APBA2: variants seen among roughly 807,000 people sequenced by gnomAD.
The protein encoded by APBA2 is amyloid-beta A4 precursor protein-binding family A member 2.
In APBA2, 30 loss-of-function variants were observed where a neutral mutation model predicts 75.0. The observed-to-expected ratio is 0.40, with a 90% CI of 0.30 to 0.54. The LOEUF is 0.54. Ranked by LOEUF, APBA2 falls within the 20% of genes least tolerant of loss-of-function variation. The probability of loss-of-function intolerance (pLI) is 0.49; values close to 1 mark genes in which losing one functional copy is unlikely to be tolerated. For missense variants in APBA2, 801 were observed against 1,016.1 expected, an observed-to-expected ratio of 0.79 and a Z score of 2.88; for synonymous variants, 444 against 409.6, an observed-to-expected ratio of 1.08 and a Z score of -1.01.
At chr15:28,961,636 G>C (rs1331996473) in intron 2 of APBA2, 1 of 152,346 alleles carries the variant, frequency 6.6e-6, no homozygotes, top group Admixed American at 6.5e-5. Context: ...GGATCCCGGG[G>C]GAGCGGCCGG....
chr15:29,088,260 T>C (rs911761418), intron 6 of APBA2, among the ~76,000 whole-genome samples: 3 of 152,204 alleles, frequency 2.0e-5, no homozygotes, highest in Admixed American at 6.5e-5. Context: ...GGCTTCATCC[T>C]GCCCCCTTGC....
chr15:29,013,297 T>TTTTA (rs2039495038), intron 3 of APBA2, among the ~76,000 whole-genome samples: 1 of 130,430 alleles, frequency 7.7e-6, no homozygotes, highest in Non-Finnish European at 1.5e-5. Context: ...TTTTTTTTTT[T>TTTTA]GAGACAGAGT....
intron 3 of APBA2, among the ~76,000 whole-genome samples, chr15:29,029,666 T>G (rs1595771242): frequency 2.7e-5 from 4 of 147,076 alleles, no homozygotes; most frequent in South Asian, 2.2e-4. Flanking sequence ...ATCGTGGGGG[T>G]GGAGGGAGGG....
At chr15:29,011,211 G>A (rs1210316078) in intron 3 of APBA2, among the ~76,000 whole-genome samples, 2 of 152,140 alleles carry the variant, frequency 1.3e-5, no homozygotes, top group African/African-American at 4.8e-5. Context: ...GGTATGAATA[G>A]ACCACATTTT....
Position 29,015,449 on chromosome 15 carries a change from C to T in APBA2, c.-41+19643C>T, listed in dbSNP as rs549522557. ...ATCCCATCCCAAGGGGGCAGCTCCT[C>T]TCCTGTCTGTGGTTTGCCTGCTGTC... On this transcript the variant is annotated intron_variant, in intron 3 of 14. Coordinates refer to ENST00000683413, the MANE Select transcript of APBA2 (RefSeq NM_001353788.2). 4.6e-5 allele frequency among the ~76,000 whole-genome samples: 7 copies of T among 152,322 alleles called. No homozygotes were observed. In the East Asian group the frequency reaches 1.2e-3, roughly 25 times the overall value.
intron 11 of APBA2, among the ~76,000 whole-genome samples, 173 bp from the exon 12 acceptor site, chr15:29,106,434 T>C (rs988860367): frequency 2.2e-3 from 11 of 4,966 alleles, no homozygotes; most frequent in Non-Finnish European, 1.6e-3. Context: ...AGGCTGGGGG[T>C]GGGTGGGCAG....
At chr15:28,895,948 C>T (rs1281488416) in intron 1 of APBA2, among the ~76,000 whole-genome samples, 4 of 151,970 alleles carry the variant, frequency 2.6e-5, no homozygotes, top group Admixed American at 2.6e-4. Context: ...CCCATCTCTA[C>T]AAAAAAATAG....
intron 6 of APBA2, among the ~76,000 whole-genome samples, chr15:29,083,010 C>T (rs769573081): frequency 3.3e-5 from 5 of 151,522 alleles, no homozygotes; most frequent in Admixed American, 1.3e-4. Flanking sequence ...TGCAGTGAGC[C>T]GAGATCGTGC....
intron 3 of APBA2, among the ~76,000 whole-genome samples, chr15:29,020,457 A>G (rs928551476): frequency 2.0e-5 from 3 of 152,120 alleles, no homozygotes; most frequent in Admixed American, 6.5e-5. Context: ...TAAGATTGCC[A>G]TATAAAAGCT....
chr15:28,904,979 C>G (rs979575775), intron 1 of APBA2, among the ~76,000 whole-genome samples: 6 of 152,164 alleles, frequency 3.9e-5, no homozygotes, highest in Admixed American at 6.5e-5. Flanking sequence ...GGGACCAGAG[C>G]CCTGGCTTAT....
At chr15:29,045,088 TC>T (rs1257430541) in intron 3 of APBA2, among the ~76,000 whole-genome samples, 11,700 of 143,276 alleles carry the variant, frequency 0.082, 1,740 homozygotes, top group African/African-American at 0.31. Context: ...TCTCTCTCTC[TC>T]TCTCTCTCTC....
intron 1 of APBA2, among the ~76,000 whole-genome samples, chr15:28,901,555 C>G (rs574125487): frequency 1.3e-5 from 2 of 152,296 alleles, no homozygotes; most frequent in South Asian, 4.1e-4. Flanking sequence ...TCTCTGTGCC[C>G]TGGATGCTTT....
intron 2 of APBA2, among the ~76,000 whole-genome samples, chr15:28,933,042 G>A (rs991299341): frequency 5.3e-5 from 8 of 152,088 alleles, no homozygotes; most frequent in South Asian, 4.1e-4. Flanking sequence ...TATAGTGAGC[G>A]AGAGAGGGAA....
At position 28,915,181 on chromosome 15, in the gene APBA2, C is replaced by T. The variant is rs1595447071; in HGVS notation, c.-204-6459C>T. Among the ~76,000 whole-genome samples the T allele has an allele frequency of 2.2e-3, 135 of 61,438 alleles. 1 individual carries two copies. The highest frequency in any genetic ancestry group is 3.0e-3 in the South Asian group (5 of 1,678). 40.3% of individuals were successfully genotyped at this position (61,438 alleles called of 152,430 possible). A position where few individuals can be genotyped will look rare whatever the true frequency, so the allele number is the denominator to read the frequency against. On this transcript the variant is annotated intron_variant, in intron 1 of 14. Coordinates refer to ENST00000683413, the MANE Select transcript of APBA2 (RefSeq NM_001353788.2). ...CACACCACACACCACATACATACCC[C>T]ATATATACCACACACCACACACATA...
At chr15:28,914,397 T>C (rs1165854447) in intron 1 of APBA2, among the ~76,000 whole-genome samples, 1 of 152,194 alleles carries the variant, frequency 6.6e-6, no homozygotes, top group Non-Finnish European at 1.5e-5. Flanking sequence ...CTATGAAGGA[T>C]TCAGAATTGC....
chr15:29,048,676 C>T (rs1456736987), intron 3 of APBA2, among the ~76,000 whole-genome samples: 1 of 151,780 alleles, frequency 6.6e-6, no homozygotes, highest in Non-Finnish European at 1.5e-5. Context: ...TGGCTCACAC[C>T]TGTAATCCCA....
intron 2 of APBA2, among the ~76,000 whole-genome samples, chr15:28,933,716 T>C (rs1345103140): frequency 2.6e-5 from 4 of 152,178 alleles, no homozygotes; most frequent in African/African-American, 9.7e-5. Context: ...GCCCGACAGG[T>C]TGCGTGCTTG....
At position 29,106,930 on chromosome 15, in the gene APBA2, A is replaced by G. The variant is rs541647247; in HGVS notation, c.1917+111A>G. On this transcript the variant is annotated intron_variant, in intron 12 of 14. Coordinates refer to ENST00000683413, the MANE Select transcript of APBA2 (RefSeq NM_001353788.2). ...CAATCCCCACTTCACCCATGGGGAA[A>G]CTGAGGCCCAGGGAGACCCACCCGG... 300 of 1,082,872 alleles carry G rather than the reference A, an allele frequency of 2.8e-4. 7 individuals carry two copies. The South Asian group carries it at 3.5e-3, about 13-fold the overall frequency. 67.1% of individuals were successfully genotyped at this position (1,082,872 alleles called of 1,614,324 possible). A position where few individuals can be genotyped will look rare whatever the true frequency, so the allele number is the denominator to read the frequency against.
intron 4 of APBA2, among the ~76,000 whole-genome samples, chr15:29,065,261 A>T (rs1201935501): frequency 6.6e-6 from 1 of 152,152 alleles, no homozygotes; most frequent in Non-Finnish European, 1.5e-5. Context: ...TTAGTCTGTG[A>T]CATTCCCTAG....
Sources: allele counts gnomAD v4.1 joint callset (sites outside exome capture counted in the v4.1 genomes callset), GRCh38; gene constraint gnomAD v4.1.1; transcripts MANE v1.5; gene names NCBI Gene and HGNC (gene_info 2026-07-23, HGNC 2026-07-21).